Variants in LAMP1 observed in about 807,000 individuals in gnomAD.
LAMP1 encodes the protein lysosome associated membrane protein 1.
A neutral mutation model predicts 37.5 loss-of-function variants in LAMP1; 7 were observed. The observed-to-expected ratio is 0.19, with a 90% CI of 0.11 to 0.35. The LOEUF (loss-of-function observed/expected upper bound fraction) is 0.35, where lower values mean the gene tolerates loss of function less well. Among genes scored for constraint, LAMP1 ranks in the 10% least tolerant of loss-of-function variants. The pLI is 1.00. For missense variants in LAMP1, 537 were observed against 552.8 expected, an observed-to-expected ratio of 0.97 and a Z score of 0.29; for synonymous variants, 236 against 229.1, an observed-to-expected ratio of 1.03 and a Z score of -0.27.
At chr13:113,315,014 C>A (rs567507007) in intron 4 of LAMP1, among the ~76,000 whole-genome samples, 11 of 110,674 alleles carry the variant, frequency 9.9e-5, no homozygotes, top group South Asian at 3.2e-4. Context: ...TGGAGATGCC[C>A]GTGTGCCTGG....
At chr13:113,300,721 G>T (rs1458412696) in intron 1 of LAMP1, among the ~76,000 whole-genome samples, 1 of 152,084 alleles carries the variant, frequency 6.6e-6, no homozygotes, top group Non-Finnish European at 1.5e-5. Context: ...AGGAGGCTGA[G>T]GCAGGAGAAC....
chr13:113,304,085 T>C (rs1449299097), intron 1 of LAMP1, among the ~76,000 whole-genome samples: 1 of 152,030 alleles, frequency 6.6e-6, no homozygotes, highest in Non-Finnish European at 1.5e-5. Context: ...ATAAAAAAGC[T>C]GAAACCCTCA....
chr13:113,314,438 C>G (rs1341115660), intron 4 of LAMP1, among the ~76,000 whole-genome samples: 2 of 93,940 alleles, frequency 2.1e-5, no homozygotes. Context: ...GTGGAGATGC[C>G]CGTGTGCCTG....
chr13:113,304,453 TTGTC>T (rs1482906295), intron 1 of LAMP1, among the ~76,000 whole-genome samples: 6 of 152,228 alleles, frequency 3.9e-5, no homozygotes, highest in Non-Finnish European at 8.8e-5. Context: ...TGAGAATATT[TTGTC>T]TGTTTTTAGA....
intron 1 of LAMP1, chr13:113,305,941 C>T (rs2042595986): frequency 6.6e-6 from 1 of 152,528 alleles, no homozygotes; most frequent in South Asian, 2.1e-4. Context: ...TAGCAATAGA[C>T]TAGGTTGGCA....
intron 2 of LAMP1, among the ~76,000 whole-genome samples, chr13:113,307,500 C>T (rs1269119405): frequency 1.3e-5 from 2 of 152,122 alleles, no homozygotes; most frequent in Admixed American, 6.6e-5. Flanking sequence ...TAATGTAATA[C>T]TTTATTATGT....
chr13:113,315,647 G>A (rs1188992180), intron 4 of LAMP1, among the ~76,000 whole-genome samples: 1 of 151,624 alleles, frequency 6.6e-6, no homozygotes, highest in Non-Finnish European at 1.5e-5. Context: ...GATTATAGGT[G>A]TGAGCCACCG....
chr13:113,304,301 G>T (rs948653582), intron 1 of LAMP1, among the ~76,000 whole-genome samples: 1 of 152,184 alleles, frequency 6.6e-6, no homozygotes, highest in South Asian at 2.1e-4. Context: ...TCACCTGAGG[G>T]CGGGGTGGGC....
At chr13:113,300,579 G>T (rs2042565963) in intron 1 of LAMP1, among the ~76,000 whole-genome samples, 1 of 152,078 alleles carries the variant, frequency 6.6e-6, no homozygotes, top group Admixed American at 6.5e-5. Context: ...GGCTGAGGCA[G>T]GCCGATCACT....
chr13:113,299,743 A>C (rs1177740373), intron 1 of LAMP1, among the ~76,000 whole-genome samples: 1 of 150,758 alleles, frequency 6.6e-6, no homozygotes, highest in Non-Finnish European at 1.5e-5. Context: ...TAATTTTTGT[A>C]GTTTTAGTAG....
rs1012702062 is a variant in LAMP1, at chr13:113,320,164, G to A, written c.751-181G>A. On this transcript the variant is annotated intron_variant, in intron 5 of 8. Coordinates refer to ENST00000332556, the MANE Select transcript of LAMP1 (RefSeq NM_005561.4). The surrounding 1 kb of genome is among the most constrained non-coding windows in gnomAD (Gnocchi z 4.4). ...GCTGCACTCCAAGAGCAGCTGTCAC[G>A]GGGTCAGGGAGAGTCATCTTGGGAT... Among the ~76,000 whole-genome samples, 4 of 152,172 alleles carry A rather than the reference G, an allele frequency of 2.6e-5. No homozygotes were observed. Among genetic ancestry groups the A allele is most frequent in the East Asian group, 1.9e-4 (1 of 5,190 alleles).
At position 113,297,905 on chromosome 13, in the gene LAMP1, T is replaced by G. The variant is rs1450207098; in HGVS notation, c.61+410T>G. Among the ~76,000 whole-genome samples, 1 of 152,158 alleles carries G rather than the reference T, an allele frequency of 6.6e-6. No homozygotes were observed. The highest frequency in any genetic ancestry group is 2.4e-5 in the African/African-American group (1 of 41,444). Reference sequence around the variant, plus strand: ...GAAGGTGGCAGGGACGTCTGTGGTCTCAGCTCCCGGGTGGGTGACCTAGAT... The same window carrying G: ...GAAGGTGGCAGGGACGTCTGTGGTCGCAGCTCCCGGGTGGGTGACCTAGAT... On this transcript the variant is annotated intron_variant, in intron 1 of 8. Coordinates refer to ENST00000332556, the MANE Select transcript of LAMP1 (RefSeq NM_005561.4). The surrounding 1 kb of genome is among the most constrained non-coding windows in gnomAD (Gnocchi z 4.4).
At chr13:113,304,619 G>A (rs969477118) in intron 1 of LAMP1, among the ~76,000 whole-genome samples, 3 of 151,736 alleles carry the variant, frequency 2.0e-5, no homozygotes, top group African/African-American at 7.3e-5. Context: ...TTCCTTGCAC[G>A]CCCTACTTTG....
In LAMP1 at chr13:113,321,792, C is replaced by G; in HGVS notation, c.1114+65C>G. ...ACGTGCTTCAGACTCCGCCTGTGGA[C>G]GTTTAGTCGCTTCCGTGTGGGCTGG... On this transcript the variant is annotated intron_variant, in intron 8 of 8. Transcript: ENST00000332556. The surrounding 1 kb of genome is among the most constrained non-coding windows in gnomAD (Gnocchi z 5.6). The G allele has an allele frequency of 1.3e-6, 2 of 1,507,970 alleles. No individual in the cohort carries two copies. The highest frequency in any genetic ancestry group is 1.8e-6 in the Non-Finnish European group (2 of 1,097,740). The allele number at this position is 1,507,970 out of a possible 1,614,324, so 93.4% of individuals were successfully genotyped here. A position where few individuals can be genotyped will look rare whatever the true frequency, so the allele number is the denominator to read the frequency against.
chr13:113,308,464 C>T (rs2042612328), intron 2 of LAMP1, among the ~76,000 whole-genome samples: 1 of 149,742 alleles, frequency 6.7e-6, no homozygotes, highest in Non-Finnish European at 1.5e-5. Context: ...TCCCAAGTAG[C>T]TAGGATTACA....
At chr13:113,302,507 T>C (rs1013253102) in intron 1 of LAMP1, among the ~76,000 whole-genome samples, 1 of 152,220 alleles carries the variant, frequency 6.6e-6, no homozygotes, top group African/African-American at 2.4e-5. Context: ...TTTTTTAAAA[T>C]GAAGTTTTTT....
chr13:113,319,154 C>T (rs1208836540), intron 4 of LAMP1, among the ~76,000 whole-genome samples: 1 of 152,216 alleles, frequency 6.6e-6, no homozygotes, highest in Non-Finnish European at 1.5e-5. Context: ...GGCACAGTGG[C>T]CCCTGTCCAG....
Position 113,311,829 on chromosome 13 carries a change from A to G in LAMP1, c.562+962A>G, listed in dbSNP as rs1218699983. Among the ~76,000 whole-genome samples the G allele has an allele frequency of 2.6e-5, 4 of 152,234 alleles. No individual in the cohort carries two copies. The East Asian group carries it at 7.7e-4, about 29-fold the overall frequency. On this transcript the variant is annotated intron_variant, in intron 4 of 8. Transcript: ENST00000332556. ...GCATCTGGCACAGAGTTAAGTAGCA[A>G]GCACCTGGTAAATCCTGTTACTTTT...
intron 4 of LAMP1, among the ~76,000 whole-genome samples, chr13:113,318,693 C>T (rs1321040165): frequency 6.6e-6 from 1 of 151,964 alleles, no homozygotes; most frequent in Non-Finnish European, 1.5e-5. Flanking sequence ...TGCCCCCCCA[C>T]CCCCACGGAT....
Sources: gnomAD v4.1 joint callset for allele counts (sites outside exome capture counted in the v4.1 genomes callset) on GRCh38, gnomAD v4.1.1 for gene constraint, Gnocchi (gnomAD v3.1) non-coding constraint, MANE v1.5 for transcripts, NCBI Gene and HGNC (gene_info 2026-07-23, HGNC 2026-07-21) for gene names.